The following RNFT2 variants were observed in gnomAD, a reference collection of about 807,000 sequenced individuals.
RNFT2 encodes the protein ring finger protein, transmembrane 2.
In RNFT2, 36 loss-of-function variants were observed where a neutral mutation model predicts 53.0. The observed-to-expected ratio is 0.68, with a 90% CI of 0.52 to 0.90. RNFT2 has a LOEUF of 0.90. RNFT2 is among the 40% of genes least tolerant of loss of function. The pLI is 0.00. For missense variants in RNFT2, 514 were observed against 585.6 expected (o/e 0.88, Z 1.26); for synonymous variants, 260 against 253.2 (o/e 1.03, Z -0.26).
chr12:116,757,745 A>G (rs957283869), intron 5 of RNFT2, among the ~76,000 whole-genome samples: 3 of 152,194 alleles, frequency 2.0e-5, no homozygotes, highest in African/African-American at 7.2e-5. Flanking sequence ...GGCCTATCAT[A>G]TAGTCTATCT....
intron 1 of RNFT2, 47 bp from the exon 2 acceptor site, chr12:116,740,298 T>G (rs1871543722): frequency 1.7e-6 from 1 of 572,866 alleles, no homozygotes; most frequent in East Asian, 2.9e-5. Flanking sequence ...CTTAGCAGAT[T>G]CAAGGTATCG....
chr12:116,836,369 A>C (rs1003339904), intron 10 of RNFT2, 87 bp downstream of exon 10: 3 of 1,141,996 alleles, frequency 2.6e-6, no homozygotes, highest in Admixed American at 2.0e-5. Flanking sequence ...GGTCTCTGGC[A>C]TGGGTCTCTG....
intron 7 of RNFT2, among the ~76,000 whole-genome samples, chr12:116,808,959 C>A (rs1362567133): frequency 1.3e-5 from 2 of 152,198 alleles, no homozygotes; most frequent in African/African-American, 4.8e-5. Flanking sequence ...GGCCTGGCTC[C>A]GCCCCAGCTG....
chr12:116,836,488 T>C (rs1876977638), intron 10 of RNFT2, among the ~76,000 whole-genome samples: 4 of 152,170 alleles, frequency 2.6e-5, no homozygotes, highest in Admixed American at 2.6e-4. Flanking sequence ...CTCTGAGGCT[T>C]GGTTTCCTTA....
intron 10 of RNFT2, among the ~76,000 whole-genome samples, chr12:116,840,593 A>G (rs971066216): frequency 6.6e-6 from 1 of 152,138 alleles, no homozygotes; most frequent in Non-Finnish European, 1.5e-5. Context: ...AGTTCTTGAC[A>G]CCTACCTCTG....
intron 7 of RNFT2, among the ~76,000 whole-genome samples, chr12:116,791,657 A>G (rs1874237180): frequency 6.6e-6 from 1 of 152,198 alleles, no homozygotes. Flanking sequence ...TGGATAGACT[A>G]CAATTTGTTT....
intron 3 of RNFT2, among the ~76,000 whole-genome samples, chr12:116,749,168 A>T (rs1042693846): frequency 6.6e-6 from 1 of 152,146 alleles, no homozygotes; most frequent in Non-Finnish European, 1.5e-5. Context: ...TCAGGGTATC[A>T]GCAGGGTTGG....
At chr12:116,761,625 T>A (rs1566073264) in intron 5 of RNFT2, among the ~76,000 whole-genome samples, 1 of 152,182 alleles carries the variant, frequency 6.6e-6, no homozygotes, top group African/African-American at 2.4e-5. Context: ...CCCAGCAACC[T>A]GGGAGGGAAA....
chr12:116,821,639 G>T (rs375125940), intron 7 of RNFT2, among the ~76,000 whole-genome samples: 5 of 152,248 alleles, frequency 3.3e-5, no homozygotes, highest in African/African-American at 9.6e-5. Flanking sequence ...GAAAAGTCTC[G>T]CAGGAGGCTG....
chr12:116,800,488 C>T (rs926791989), intron 7 of RNFT2, among the ~76,000 whole-genome samples: 1 of 152,048 alleles, frequency 6.6e-6, no homozygotes, highest in Admixed American at 6.6e-5. Flanking sequence ...AAAAAATCAG[C>T]CGGGCATGGT....
chr12:116,812,709 T>C (rs1875449611), intron 7 of RNFT2, among the ~76,000 whole-genome samples: 1 of 152,084 alleles, frequency 6.6e-6, no homozygotes, highest in Admixed American at 6.6e-5. Flanking sequence ...AATTTTTGTA[T>C]TTTTAGTAGA....
chr12:116,759,653 G>A (rs1159725397), intron 5 of RNFT2, among the ~76,000 whole-genome samples: 3 of 152,170 alleles, frequency 2.0e-5, no homozygotes, highest in South Asian at 2.1e-4. Flanking sequence ...GCCACCCAGC[G>A]AGTCTACCTG....
chr12:116,746,194 GC>G (rs1347641019), intron 3 of RNFT2, among the ~76,000 whole-genome samples: 1 of 152,100 alleles, frequency 6.6e-6, no homozygotes, highest in East Asian at 1.9e-4. Context: ...CCGAGATCGC[GC>G]CACTGCACTC....
chr12:116,806,435 T>C (rs1433585665), intron 7 of RNFT2, among the ~76,000 whole-genome samples: 1 of 151,526 alleles, frequency 6.6e-6, no homozygotes, highest in Non-Finnish European at 1.5e-5. Context: ...GATAGATTCA[T>C]CTAGTTTAAT....
chr12:116,808,551 A>T (rs1875195570), intron 7 of RNFT2, among the ~76,000 whole-genome samples: 1 of 152,110 alleles, frequency 6.6e-6, no homozygotes, highest in Admixed American at 6.5e-5. Context: ...CTGGATGAAG[A>T]TGGTGGGGAG....
chr12:116,807,592 C>T (rs1382462793), intron 7 of RNFT2, among the ~76,000 whole-genome samples: 2 of 152,048 alleles, frequency 1.3e-5, no homozygotes, highest in African/African-American at 2.4e-5. Context: ...TGCCTCTCCC[C>T]GCACCATTCC....
intron 7 of RNFT2, among the ~76,000 whole-genome samples, chr12:116,831,656 T>C (rs1876654761): frequency 6.6e-6 from 1 of 152,162 alleles, no homozygotes; most frequent in Non-Finnish European, 1.5e-5. Context: ...AGAGTAAAGA[T>C]TATACATATT....
At chr12:116,846,634 T>C (rs1877631518) in intron 10 of RNFT2, among the ~76,000 whole-genome samples, 1 of 152,026 alleles carries the variant, frequency 6.6e-6, no homozygotes, top group East Asian at 1.9e-4. Context: ...TGTTTAGATT[T>C]TTTTATTATT....
At chr12:116,809,380 C>T (rs2137163298) in intron 7 of RNFT2, among the ~76,000 whole-genome samples, 1 of 152,320 alleles carries the variant, frequency 6.6e-6, no homozygotes, top group Middle Eastern at 3.4e-3. Flanking sequence ...GCAACTCCTT[C>T]ATGTGGCCTG....
Sources: allele counts gnomAD v4.1 joint callset (sites outside exome capture counted in the v4.1 genomes callset), GRCh38; gene constraint gnomAD v4.1.1; transcripts MANE v1.5; gene names NCBI Gene and HGNC (gene_info 2026-07-23, HGNC 2026-07-21).